GATB: variants seen among roughly 807,000 people sequenced by gnomAD.
GATB encodes the protein glutamyl-tRNA(Gln) amidotransferase subunit B, mitochondrial.
Under a neutral mutation model 62.3 loss-of-function variants are expected in GATB, and 39 were observed. That is an observed-to-expected ratio of 0.63 (90% CI 0.48 to 0.82). The LOEUF (loss-of-function observed/expected upper bound fraction) is 0.82. GATB is among the 40% of genes least tolerant of loss of function. The pLI, the probability that GATB is intolerant of heterozygous loss-of-function variation, is 0.00. For missense variants in GATB, 670 were observed against 684.0 expected (o/e 0.98, Z 0.23); for synonymous variants, 276 against 258.9 (o/e 1.07, Z -0.63).
intron 9 of GATB, among the ~76,000 whole-genome samples, chr4:151,697,953 G>GTATATA (rs56231389): frequency 0.055 from 2,191 of 39,686 alleles, 108 homozygotes; most frequent in Non-Finnish European, 0.065. Context: ...GTGTGTGTGT[G>GTATATA]TATATATATA....
At chr4:151,741,304 G>C (rs191715349) in intron 2 of GATB, among the ~76,000 whole-genome samples, 217 of 152,266 alleles carry the variant, frequency 1.4e-3, no homozygotes, top group Non-Finnish European at 2.4e-3. Flanking sequence ...TACACAAAGG[G>C]AAACTACAGA....
intron 9 of GATB, among the ~76,000 whole-genome samples, chr4:151,689,648 A>G (rs1738322603): frequency 1.3e-5 from 2 of 152,034 alleles, no homozygotes; most frequent in African/African-American, 2.4e-5. Context: ...CCATCTTTCA[A>G]TGGCAAGAAC....
rs1739219977 is a variant in GATB at position 151,730,406 on chromosome 4, C to A, written c.328-10868G>T. Among the ~76,000 whole-genome samples, 1 of 152,198 alleles carries A rather than the reference C, an allele frequency of 6.6e-6. No homozygotes were observed. The highest frequency in any genetic ancestry group is 6.5e-5 in the Admixed American group (1 of 15,286). Reference sequence around the variant, plus strand: ...TCTAGGGCCCCGCCCACCACTGGTCCCTCTCCATACTACAGCTAATGCTCT... The same window carrying A: ...TCTAGGGCCCCGCCCACCACTGGTCACTCTCCATACTACAGCTAATGCTCT... On this transcript the variant is annotated intron_variant, in intron 2 of 12. Coordinates refer to ENST00000263985, the MANE Select transcript of GATB (RefSeq NM_004564.3). The surrounding 1 kb of genome is among the most constrained non-coding windows in gnomAD (Gnocchi z 4.1).
At chr4:151,752,211 T>C (rs539798870) in intron 2 of GATB, among the ~76,000 whole-genome samples, 1 of 152,364 alleles carries the variant, frequency 6.6e-6, no homozygotes, top group South Asian at 2.1e-4. Context: ...ATTATTTTTT[T>C]CTTCTCTGTA....
intron 9 of GATB, among the ~76,000 whole-genome samples, chr4:151,693,502 A>C (rs1199928501): frequency 6.6e-6 from 1 of 150,986 alleles, no homozygotes; most frequent in East Asian, 2.0e-4. Flanking sequence ...AGGAAACACG[A>C]CCCCCCCCTC....
intron 11 of GATB, 148 bp from the exon 12 acceptor site, chr4:151,673,044 G>A (rs1342442303): frequency 1.0e-6 from 1 of 972,436 alleles, no homozygotes; most frequent in African/African-American, 1.6e-5. Context: ...AAAGGGAAAG[G>A]GCACCTGGCT....
chr4:151,703,586 C>T, intron 8 of GATB: 2 of 515,294 alleles, frequency 3.9e-6, no homozygotes, highest in East Asian at 3.5e-5. Context: ...ACTATGACAA[C>T]TTTGACACAG....
chr4:151,742,030 T>C (rs1202846991), intron 2 of GATB, among the ~76,000 whole-genome samples: 1 of 151,618 alleles, frequency 6.6e-6, no homozygotes, highest in Non-Finnish European at 1.5e-5. Flanking sequence ...CCCTAACTAG[T>C]GTGAACTGCA....
chr4:151,732,131 C>T lies in GATB; in HGVS notation c.328-12593G>A, dbSNP rs565187983. Among the ~76,000 whole-genome samples the T allele has an allele frequency of 6.0e-5, 9 of 150,972 alleles. No homozygotes were observed. In the South Asian group the frequency reaches 2.0e-3, roughly 33 times the overall value. On this transcript the variant is annotated intron_variant, in intron 2 of 12. Coordinates refer to ENST00000263985, the MANE Select transcript of GATB (RefSeq NM_004564.3). ...GGGAGCCTCCGCCCGGCCACCGCCC[C>T]GTCCAGGAGGTGGGGGGCGCCTCTG... is the stretch of plus-strand genomic sequence containing the variant.
intron 9 of GATB, among the ~76,000 whole-genome samples, chr4:151,695,541 G>A (rs1421268943): frequency 6.6e-6 from 1 of 152,080 alleles, no homozygotes; most frequent in South Asian, 2.1e-4. Flanking sequence ...CACTCAACTC[G>A]GGATGCTCTG....
At chr4:151,678,926 T>G (rs1285717487) in intron 11 of GATB, among the ~76,000 whole-genome samples, 2 of 152,236 alleles carry the variant, frequency 1.3e-5, no homozygotes, top group Non-Finnish European at 2.9e-5. Context: ...GGAGTCTCGC[T>G]CTGTCACTCA....
intron 2 of GATB, among the ~76,000 whole-genome samples, chr4:151,732,479 C>T (rs548311784): frequency 2.0e-5 from 3 of 151,976 alleles, no homozygotes; most frequent in Non-Finnish European, 2.9e-5. Context: ...GGATTAAGGG[C>T]GGTGCAAGAT....
At chr4:151,705,572 C>T (rs1317397720) in intron 6 of GATB, among the ~76,000 whole-genome samples, 4 of 152,128 alleles carry the variant, frequency 2.6e-5, no homozygotes, top group African/African-American at 7.2e-5. Flanking sequence ...CCCAATATCT[C>T]GGTCTGAGAT....
intron 2 of GATB, among the ~76,000 whole-genome samples, chr4:151,733,815 G>A (rs536256197): frequency 6.6e-6 from 1 of 152,200 alleles, no homozygotes; most frequent in African/African-American, 2.4e-5. Context: ...CAATAAATGG[G>A]ATACACCACA....
intron 5 of GATB, among the ~76,000 whole-genome samples, chr4:151,714,189 A>G (rs1738871232): frequency 1.3e-5 from 2 of 152,226 alleles, no homozygotes; most frequent in Non-Finnish European, 2.9e-5. Flanking sequence ...GTCTATGCTC[A>G]TCAGCAAAAC....
At chr4:151,741,598 C>T (rs1034981075) in intron 2 of GATB, among the ~76,000 whole-genome samples, 1 of 152,182 alleles carries the variant, frequency 6.6e-6, no homozygotes, top group Admixed American at 6.5e-5. Flanking sequence ...AGGAAAGGAA[C>T]ATCAAGCTCC....
chr4:151,689,088 A>G (rs1435157210), intron 9 of GATB, among the ~76,000 whole-genome samples: 1 of 151,810 alleles, frequency 6.6e-6, no homozygotes, highest in Non-Finnish European at 1.5e-5. Flanking sequence ...TGTAACCTGC[A>G]CTCTCCATCC....
At chr4:151,760,378 C>T (rs1337525637) in intron 1 of GATB, among the ~76,000 whole-genome samples, 3 of 152,196 alleles carry the variant, frequency 2.0e-5, no homozygotes, top group Non-Finnish European at 2.9e-5. Flanking sequence ...ATGACAATAA[C>T]CCACCACTAC....
intron 2 of GATB, chr4:151,721,364 G>A (rs1349610207): frequency 6.6e-6 from 1 of 152,234 alleles, no homozygotes; most frequent in Non-Finnish European, 1.5e-5. Context: ...TCTATTTGGA[G>A]TTCTTCATTC....
Sources: gnomAD v4.1 joint callset for allele counts (sites outside exome capture counted in the v4.1 genomes callset) on GRCh38, gnomAD v4.1.1 for gene constraint, Gnocchi (gnomAD v3.1) non-coding constraint, MANE v1.5 for transcripts, NCBI Gene and HGNC (gene_info 2026-07-23, HGNC 2026-07-21) for gene names.